Variants in TBC1D19 observed in about 807,000 individuals in gnomAD.
TBC1D19 encodes the protein TBC1 domain family member 19.
In TBC1D19, 60 loss-of-function variants were observed where a neutral mutation model predicts 89.0. The observed-to-expected ratio is 0.67, with a 90% confidence interval of 0.55 to 0.84. The LOEUF (loss-of-function observed/expected upper bound fraction) is 0.84. Among genes scored for constraint, TBC1D19 ranks in the 40% least tolerant of loss-of-function variants. The probability of loss-of-function intolerance (pLI) is 0.00; values close to 1 mark genes in which losing one functional copy is unlikely to be tolerated. For missense variants in TBC1D19, 500 were observed against 610.8 expected (o/e 0.82, Z 1.91); for synonymous variants, 189 against 199.7 (o/e 0.95, Z 0.45).
At chr4:26,653,718 T>C (rs1391531242) in intron 7 of TBC1D19, among the ~76,000 whole-genome samples, 1 of 152,186 alleles carries the variant, frequency 6.6e-6, no homozygotes, top group East Asian at 1.9e-4. Flanking sequence ...TTGTTTCCCA[T>C]TTGCTTGGTA....
chr4:26,837,128 G>A, the TBC1D19 span, among the ~76,000 whole-genome samples: 1 of 152,184 alleles, frequency 6.6e-6, no homozygotes, highest in Admixed American at 6.5e-5. Flanking sequence ...TATTTGGTTA[G>A]GGCATAGTGA....
intron 8 of TBC1D19, among the ~76,000 whole-genome samples, chr4:26,661,015 G>C (rs183516214): frequency 1.3e-5 from 2 of 152,282 alleles, no homozygotes; most frequent in Admixed American, 6.5e-5. Context: ...TTCAAGAAAT[G>C]GAGGTACCAC....
intron 11 of TBC1D19, among the ~76,000 whole-genome samples, chr4:26,679,845 G>A (rs1453115494): frequency 6.6e-6 from 1 of 152,196 alleles, no homozygotes; most frequent in African/African-American, 2.4e-5. Context: ...GGGCATGATT[G>A]TGTTTTTAAT....
At chr4:26,754,701 A>G (rs889991522) in intron 20 of TBC1D19, among the ~76,000 whole-genome samples, 172 bp from the exon 21 acceptor site, 1 of 152,248 alleles carries the variant, frequency 6.6e-6, no homozygotes, top group African/African-American at 2.4e-5. Context: ...CATTTTGCAC[A>G]TGTACTAACA....
the TBC1D19 span, among the ~76,000 whole-genome samples, chr4:26,846,877 T>C: frequency 1.3e-5 from 2 of 152,176 alleles, no homozygotes; most frequent in Admixed American, 1.3e-4. Flanking sequence ...CACTCTCTCC[T>C]GGTTCTCCTT....
chr4:26,735,197 T>G (rs1245459345), intron 15 of TBC1D19, among the ~76,000 whole-genome samples: 1 of 151,086 alleles, frequency 6.6e-6, no homozygotes, highest in Non-Finnish European at 1.5e-5. Flanking sequence ...TATATACACA[T>G]ATATATATTC....
chr4:26,852,698 C>A, the TBC1D19 span, among the ~76,000 whole-genome samples: 3 of 152,138 alleles, frequency 2.0e-5, no homozygotes, highest in Non-Finnish European at 4.4e-5. Context: ...TGGCTCACTG[C>A]AACCTCTGCC....
chr4:26,741,926 T>G (rs745454991), intron 17 of TBC1D19, among the ~76,000 whole-genome samples: 2 of 152,236 alleles, frequency 1.3e-5, no homozygotes, highest in Admixed American at 6.5e-5. Flanking sequence ...AAAATATGTG[T>G]ATACTAAGTA....
intron 7 of TBC1D19, among the ~76,000 whole-genome samples, chr4:26,644,091 G>A (rs565444935): frequency 5.9e-5 from 9 of 152,088 alleles, no homozygotes; most frequent in East Asian, 1.9e-4. Context: ...AGCATCATCC[G>A]GATACCAAAG....
the TBC1D19 span, among the ~76,000 whole-genome samples, chr4:26,810,450 T>A: frequency 6.6e-6 from 1 of 152,212 alleles, no homozygotes; most frequent in Non-Finnish European, 1.5e-5. Flanking sequence ...TAGCAAGGTT[T>A]GCAAGACCCT....
intron 8 of TBC1D19, among the ~76,000 whole-genome samples, chr4:26,661,113 C>T (rs1745196243): frequency 6.6e-6 from 1 of 152,028 alleles, no homozygotes; most frequent in South Asian, 2.1e-4. Context: ...CCCCAGATTC[C>T]CATCACCATG....
At chr4:26,655,505 T>C (rs981760814) in intron 7 of TBC1D19, among the ~76,000 whole-genome samples, 1 of 152,204 alleles carries the variant, frequency 6.6e-6, no homozygotes, top group Non-Finnish European at 1.5e-5. Flanking sequence ...CTCCTTGAGC[T>C]GTGGTGGGCT....
At chr4:26,730,247 G>T (rs1055798994) in intron 15 of TBC1D19, among the ~76,000 whole-genome samples, 2 of 152,038 alleles carry the variant, frequency 1.3e-5, no homozygotes, top group Non-Finnish European at 2.9e-5. Context: ...CTTGGTCTCT[G>T]GATATAGAGA....
At chr4:26,836,745 G>C in the TBC1D19 span, among the ~76,000 whole-genome samples, 3 of 152,214 alleles carry the variant, frequency 2.0e-5, no homozygotes, top group Admixed American at 2.0e-4. Flanking sequence ...AGAGGCAGCA[G>C]CTTTCCAGCA....
chr4:26,788,289 G>A, the TBC1D19 span, among the ~76,000 whole-genome samples: 1 of 152,248 alleles, frequency 6.6e-6, no homozygotes, highest in South Asian at 2.1e-4. Context: ...AGAGTCAAGG[G>A]GAGCGGTTCT....
At position 26,707,978 on chromosome 4, in the gene TBC1D19, T is replaced by C. The variant is rs540132928; in HGVS notation, c.955-9955T>C. Among the ~76,000 whole-genome samples, 3 of 152,178 alleles carry C rather than the reference T, an allele frequency of 2.0e-5. No individual in the cohort carries two copies. The East Asian group carries it at 5.8e-4, about 29-fold the overall frequency. On this transcript the variant is annotated intron_variant, in intron 13 of 20. Coordinates refer to ENST00000264866, the MANE Select transcript of TBC1D19 (RefSeq NM_018317.4). ...TAATACTGATTTTTAAATAATGACTTTTCAAATGTACGAGTTTCTTAAATC... is the reference window on the plus strand; with the variant it reads ...TAATACTGATTTTTAAATAATGACTCTTCAAATGTACGAGTTTCTTAAATC...
Position 26,620,575 on chromosome 4 carries a change from A to C in TBC1D19, c.219-38A>C, listed in dbSNP as rs1741978818. 2.6e-6 allele frequency: 4 copies of C among 1,560,042 alleles called. No individual in the cohort carries two copies. The East Asian group carries it at 9.0e-5, about 35-fold the overall frequency. On this transcript the variant is annotated intron_variant, in intron 3 of 20. Coordinates refer to ENST00000264866, the MANE Select transcript of TBC1D19 (RefSeq NM_018317.4). ...AGGTAAGTAATATCTAACCAAGAGAATAATGTGTGATATTTAGCTGCCTCT... is the reference window on the plus strand; with the variant it reads ...AGGTAAGTAATATCTAACCAAGAGACTAATGTGTGATATTTAGCTGCCTCT...
At chr4:26,788,903 CCTT>C in the TBC1D19 span, among the ~76,000 whole-genome samples, 2 of 152,188 alleles carry the variant, frequency 1.3e-5, no homozygotes, top group African/African-American at 4.8e-5. Context: ...GAGCTACTGG[CCTT>C]CTTGGCTGAA....
intron 1 of TBC1D19, among the ~76,000 whole-genome samples, 182 bp downstream of exon 1, chr4:26,584,474 C>A (rs955189370): frequency 1.1e-4 from 16 of 152,118 alleles, no homozygotes; most frequent in African/African-American, 3.6e-4. Context: ...AACAAAAAAA[C>A]CCCACCTCCC....
Sources: gnomAD v4.1 joint callset for allele counts (sites outside exome capture counted in the v4.1 genomes callset) on GRCh38, gnomAD v4.1.1 for gene constraint, MANE v1.5 for transcripts, NCBI Gene and HGNC (gene_info 2026-07-23, HGNC 2026-07-21) for gene names.